The following DLG1 variants were observed in gnomAD, a reference collection of about 807,000 sequenced individuals.
DLG1 encodes discs large MAGUK scaffold protein 1.
Under a neutral mutation model 123.4 loss-of-function variants are expected in DLG1, and 42 were observed. The observed-to-expected ratio is 0.34, with a 90% CI of 0.27 to 0.44. DLG1 has a LOEUF of 0.44. Among genes scored for constraint, DLG1 ranks in the 20% least tolerant of loss-of-function variants. The probability of loss-of-function intolerance (pLI) is 1.00; values close to 1 mark genes in which losing one functional copy is unlikely to be tolerated. For synonymous variants in DLG1, 317 were observed against 356.2 expected, an observed-to-expected ratio of 0.89 and a Z score of 1.24; for missense variants, 942 against 1,082.6, an observed-to-expected ratio of 0.87 and a Z score of 1.82.
intron 1 of DLG1, chr3:197,298,006 T>A: frequency 2.4e-6 from 2 of 850,058 alleles, no homozygotes; most frequent in Non-Finnish European, 2.8e-6. Flanking sequence ...CGCCGCCTCC[T>A]CGCTCGCCGC....
At chr3:197,226,048 T>C (rs1739737524) in intron 4 of DLG1, 2 of 152,562 alleles carry the variant, frequency 1.3e-5, no homozygotes, top group African/African-American at 4.8e-5. Flanking sequence ...GTCTTGAACA[T>C]TTAATCTAGA....
At chr3:197,101,128 C>T (rs916520280) in intron 14 of DLG1, among the ~76,000 whole-genome samples, 3 of 152,086 alleles carry the variant, frequency 2.0e-5, no homozygotes, top group African/African-American at 7.2e-5. Flanking sequence ...CTTCACAGGC[C>T]CGTTACTGAA....
chr3:197,152,422 T>TC (rs1794361761), intron 5 of DLG1, among the ~76,000 whole-genome samples: 1 of 145,678 alleles, frequency 6.9e-6, no homozygotes, highest in African/African-American at 2.5e-5. Flanking sequence ...CCAAAGTCTT[T>TC]TTTTTTTTTT....
chr3:197,095,121 T>A (rs1035266180), intron 14 of DLG1, among the ~76,000 whole-genome samples: 2 of 152,050 alleles, frequency 1.3e-5, no homozygotes, highest in African/African-American at 4.8e-5. Flanking sequence ...TTCTTACTAA[T>A]TTTTTTTAAA....
At chr3:197,161,964 C>T (rs1798953421) in intron 5 of DLG1, among the ~76,000 whole-genome samples, 1 of 152,026 alleles carries the variant, frequency 6.6e-6, no homozygotes, top group African/African-American at 2.4e-5. Flanking sequence ...AAAATGAATG[C>T]CTACTCTTTA....
chr3:197,152,468 G>A (rs1445980255), intron 5 of DLG1, among the ~76,000 whole-genome samples: 1 of 138,518 alleles, frequency 7.2e-6, no homozygotes, highest in Admixed American at 7.7e-5. Flanking sequence ...TGTCACCCAG[G>A]GTAGGACTTT....
chr3:197,194,666 C>A, intron 4 of DLG1, 77 bp from the exon 5 acceptor site: 3 of 947,240 alleles, frequency 3.2e-6, no homozygotes, highest in South Asian at 1.7e-5. Flanking sequence ...CATAACTAGC[C>A]AAATACTCAA....
At chr3:197,276,351 C>G (rs184658127) in intron 4 of DLG1, among the ~76,000 whole-genome samples, 1 of 152,322 alleles carries the variant, frequency 6.6e-6, no homozygotes, top group Admixed American at 6.5e-5. Flanking sequence ...TCAAACGATA[C>G]GAATATAAAG....
chr3:197,077,677 T>C lies in DLG1; in HGVS notation c.1906-992A>G, dbSNP rs540507316. ...GATTTGATGTCTCTTATTGCACATGTTGGAAACAAGTTTTTCCTTGAATGT... is the reference window on the plus strand; with the variant it reads ...GATTTGATGTCTCTTATTGCACATGCTGGAAACAAGTTTTTCCTTGAATGT... On this transcript the variant is annotated intron_variant, in intron 17 of 24. Coordinates refer to ENST00000667157, the MANE Select transcript of DLG1 (RefSeq NM_001366207.1). Among the ~76,000 whole-genome samples the C allele has an allele frequency of 7.9e-5, 12 of 152,354 alleles. No individual in the cohort carries two copies. In the South Asian group the frequency reaches 2.3e-3, roughly 29 times the overall value.
chr3:197,101,608 C>T (rs942279049), intron 14 of DLG1, among the ~76,000 whole-genome samples: 1 of 152,060 alleles, frequency 6.6e-6, no homozygotes, highest in Non-Finnish European at 1.5e-5. Context: ...CCAGAATGGT[C>T]TCTATCTCCT....
At chr3:197,199,432 A>G (rs541672492) in intron 4 of DLG1, among the ~76,000 whole-genome samples, 2 of 152,154 alleles carry the variant, frequency 1.3e-5, no homozygotes. Context: ...AAAATAGTGT[A>G]TATAAAGTCC....
chr3:197,133,369 A>G (rs906652558), intron 10 of DLG1, among the ~76,000 whole-genome samples: 2 of 152,172 alleles, frequency 1.3e-5, no homozygotes, highest in Non-Finnish European at 2.9e-5. Context: ...TGCCCACCAT[A>G]TGTGTCAGCC....
In DLG1 at chr3:197,292,544, T is replaced by C. The variant is rs114894796; in HGVS notation, c.151+3802A>G. 5.0e-3 allele frequency among the ~76,000 whole-genome samples: 759 copies of C among 152,318 alleles called. 4 individuals carry two copies. Among genetic ancestry groups the C allele is most frequent in the African/African-American group, 0.018 (735 of 41,556 alleles). On this transcript the variant is annotated intron_variant, in intron 3 of 24. Coordinates refer to ENST00000667157, the MANE Select transcript of DLG1 (RefSeq NM_001366207.1). ...AAGATTTGTTTCACAACAATATGAA[T>C]ACATTTCACACTCCTGAACTGTACA...
chr3:197,127,018 C>T (rs1779469416), intron 11 of DLG1, among the ~76,000 whole-genome samples: 1 of 152,102 alleles, frequency 6.6e-6, no homozygotes, highest in African/African-American at 2.4e-5. Flanking sequence ...TTTACGGGTT[C>T]TTCAAACATT....
chr3:197,279,932 T>C (rs1253709357), intron 4 of DLG1, among the ~76,000 whole-genome samples: 1 of 152,250 alleles, frequency 6.6e-6, no homozygotes, highest in Non-Finnish European at 1.5e-5. Flanking sequence ...CAATGTGTAA[T>C]GGTCAAATCA....
intron 16 of DLG1, among the ~76,000 whole-genome samples, chr3:197,081,329 C>A (rs957488698): frequency 2.0e-5 from 3 of 152,130 alleles, no homozygotes; most frequent in Non-Finnish European, 4.4e-5. Context: ...ATGAAGTTAT[C>A]AACACACAGT....
intron 5 of DLG1, among the ~76,000 whole-genome samples, chr3:197,191,384 G>A (rs1440153514): frequency 6.6e-6 from 1 of 152,112 alleles, no homozygotes; most frequent in Non-Finnish European, 1.5e-5. Flanking sequence ...GGAAAGCTGA[G>A]GTTTCATGAG....
chr3:197,060,506 T>A (rs1314435106), intron 22 of DLG1, among the ~76,000 whole-genome samples: 1 of 152,160 alleles, frequency 6.6e-6, no homozygotes, highest in African/African-American at 2.4e-5. Flanking sequence ...CCCATAGCTA[T>A]CATTTCATAA....
intron 24 of DLG1, among the ~76,000 whole-genome samples, chr3:197,050,158 G>A (rs750337134): frequency 2.0e-5 from 3 of 152,086 alleles, no homozygotes; most frequent in African/African-American, 7.2e-5. Context: ...ACGAGGTCAG[G>A]AGATCAAGAC....
Sources: gnomAD v4.1 joint callset for allele counts (sites outside exome capture counted in the v4.1 genomes callset) on GRCh38, gnomAD v4.1.1 for gene constraint, MANE v1.5 for transcripts, NCBI Gene and HGNC (gene_info 2026-07-23, HGNC 2026-07-21) for gene names.